The following TULP3 variants were observed in gnomAD, a reference collection of about 807,000 sequenced individuals.
The protein encoded by TULP3 is tubby-related protein 3.
TULP3 carries 38 observed loss-of-function variants against 50.7 expected under a neutral mutation model. The observed-to-expected ratio is 0.75, with a 90% CI of 0.58 to 0.98. The LOEUF (loss-of-function observed/expected upper bound fraction) is 0.98. Among genes scored for constraint, TULP3 ranks in the 50% least tolerant of loss-of-function variants. TULP3 has a pLI of 0.00. For missense variants in TULP3, 550 were observed against 568.0 expected (o/e 0.97, Z 0.32); for synonymous variants, 183 against 196.6 (o/e 0.93, Z 0.58).
intron 8 of TULP3, among the ~76,000 whole-genome samples, chr12:2,936,321 G>C (rs1476958622): frequency 1.3e-5 from 2 of 152,120 alleles, no homozygotes; most frequent in Non-Finnish European, 2.9e-5. Flanking sequence ...TTAATACCTA[G>C]TGCAGGCCTT....
intron 2 of TULP3, among the ~76,000 whole-genome samples, chr12:2,918,381 G>A (rs2098189875): frequency 6.6e-6 from 1 of 151,976 alleles, no homozygotes; most frequent in Admixed American, 6.6e-5. Flanking sequence ...CAAACTGCTG[G>A]GATTACAGGC....
At chr12:2,934,890 A>T (rs968253346) in intron 8 of TULP3, among the ~76,000 whole-genome samples, 6 of 151,570 alleles carry the variant, frequency 4.0e-5, no homozygotes, top group Admixed American at 6.6e-5. Flanking sequence ...TATCTAGTTC[A>T]TTCTCTTTTT....
chr12:2,927,366 A>ATTTTGTTTTTTTTTTTT (rs2098195293), intron 4 of TULP3, among the ~76,000 whole-genome samples: 1 of 105,194 alleles, frequency 9.5e-6, no homozygotes, highest in African/African-American at 3.9e-5. Context: ...GTTGAGACTG[A>ATTTTGTTTTTTTTTTTT]TTTTTTTTTT....
intron 1 of TULP3, among the ~76,000 whole-genome samples, chr12:2,907,475 C>CAAAAA (rs60356460): frequency 4.2e-5 from 4 of 95,826 alleles, no homozygotes; most frequent in African/African-American, 9.0e-5. Flanking sequence ...ACTCCGTCTC[C>CAAAAA]AAAAAAAAAA....
intron 1 of TULP3, 24 bp from the exon 2 acceptor site, chr12:2,909,505 C>G (rs2098184224): frequency 5.3e-6 from 8 of 1,513,358 alleles, no homozygotes; most frequent in Non-Finnish European, 6.2e-6. Context: ...TATATACTTG[C>G]TTTATTTTTT....
chr12:2,936,478 T>TGGTG (rs1424876095), intron 8 of TULP3, among the ~76,000 whole-genome samples: 3 of 151,720 alleles, frequency 2.0e-5, no homozygotes, highest in Non-Finnish European at 4.4e-5. Flanking sequence ...AGGCCGGGCG[T>TGGTG]GGTGGCTCAC....
chr12:2,937,804 A>G (rs1398686352), intron 9 of TULP3, 75 bp downstream of exon 9: 1 of 1,227,038 alleles, frequency 8.1e-7, no homozygotes, highest in Non-Finnish European at 1.1e-6. Flanking sequence ...TAATACAAAA[A>G]AAAAAAAAAA....
intron 1 of TULP3, among the ~76,000 whole-genome samples, chr12:2,904,783 C>CT (rs1372875003): frequency 6.6e-6 from 1 of 151,812 alleles, no homozygotes; most frequent in Admixed American, 6.6e-5. Context: ...TATTCAATAA[C>CT]TAAGTTAAAA....
chr12:2,924,808 T>G (rs1565505003), intron 4 of TULP3, among the ~76,000 whole-genome samples: 1 of 151,708 alleles, frequency 6.6e-6, no homozygotes, highest in Non-Finnish European at 1.5e-5. Context: ...GAGCCAAGAT[T>G]GTGCTGCTGC....
At position 2,931,133 on chromosome 12, in the gene TULP3, C is replaced by T. The variant is rs1565507406; in HGVS notation, c.589C>T (p.Pro197Ser). The change falls in exon 6 of 11, where the codon CCT becomes TCT. Residue 197 changes from proline (P) to serine (S), a missense_variant. Physicochemically the swap from Pro to Ser is moderately conservative, Grantham distance 74. Coordinates refer to ENST00000448120, the MANE Select transcript of TULP3 (RefSeq NM_003324.5). ...GGAGGACTTTGTGTATAGTCCTGCC[C>T]CTCAAGGTGTCACAGTAAGATGTCG... ...DLEDFVYSPA[P>S]QGVTVRCRII... 1.2e-6 allele frequency: 2 copies of T among 1,614,104 alleles called. No homozygotes were observed. The highest frequency in any genetic ancestry group is 2.2e-5 in the East Asian group (1 of 44,874).
chr12:2,906,710 G>GT (rs748591940), intron 1 of TULP3, among the ~76,000 whole-genome samples: 21 of 150,684 alleles, frequency 1.4e-4, no homozygotes, highest in African/African-American at 4.9e-4. Context: ...GAGGTCAGGA[G>GT]TTTGAGACCA....
chr12:2,919,203 C>A (rs2098190387), intron 2 of TULP3, among the ~76,000 whole-genome samples: 1 of 152,156 alleles, frequency 6.6e-6, no homozygotes, highest in South Asian at 2.1e-4. Flanking sequence ...CTAGAAGAAT[C>A]TCAGTGGCCA....
chr12:2,899,414 C>A (rs1019684199), intron 1 of TULP3, among the ~76,000 whole-genome samples: 2 of 151,400 alleles, frequency 1.3e-5, no homozygotes, highest in African/African-American at 4.9e-5. Context: ...TGACGGCAGG[C>A]CAGATTTGGC....
Position 2,941,047 on chromosome 12 carries a change from AC to A in TULP3, c.*1604del, listed in dbSNP as rs2153950840. The A allele has an allele frequency of 3.7e-6, 1 of 272,398 alleles. No homozygotes were observed. Among genetic ancestry groups the A allele is most frequent in the Admixed American group, 5.1e-5 (1 of 19,636 alleles). 16.9% of individuals were successfully genotyped at this position (272,398 alleles called of 1,614,324 possible). On this transcript the variant is annotated 3_prime_UTR_variant, in exon 11 of 11. Coordinates refer to ENST00000448120, the MANE Select transcript of TULP3 (RefSeq NM_003324.5). ...TTAAAGAGATATATAAACTAATTTCACATAATTTGTGTGTGCAGGTGATTGG... is the reference window on the plus strand; with the variant it reads ...TTAAAGAGATATATAAACTAATTTCAATAATTTGTGTGTGCAGGTGATTGG...
chr12:2,901,485 G>A (rs1302033395), intron 1 of TULP3, among the ~76,000 whole-genome samples: 2 of 151,746 alleles, frequency 1.3e-5, no homozygotes, highest in Non-Finnish European at 2.9e-5. Flanking sequence ...GGGTTCAAGC[G>A]ATTCTCCTGC....
chr12:2,913,044 T>C (rs911099408), intron 2 of TULP3, among the ~76,000 whole-genome samples: 6 of 151,640 alleles, frequency 4.0e-5, no homozygotes, highest in Non-Finnish European at 8.8e-5. Context: ...CGATCTCGGC[T>C]CACTGCAACC....
intron 2 of TULP3, among the ~76,000 whole-genome samples, chr12:2,913,704 G>A (rs1037936373): frequency 2.0e-4 from 30 of 151,896 alleles, no homozygotes; most frequent in South Asian, 2.1e-4. Context: ...TCCGCCTCCC[G>A]GGTTCAAGCA....
intron 1 of TULP3, among the ~76,000 whole-genome samples, chr12:2,907,572 C>T (rs992969177): frequency 4.7e-5 from 7 of 150,382 alleles, no homozygotes; most frequent in African/African-American, 7.4e-5. Context: ...GGCTTGAACC[C>T]GGGAGGCGGA....
intron 4 of TULP3, among the ~76,000 whole-genome samples, chr12:2,929,611 T>C (rs2098196710): frequency 6.6e-6 from 1 of 152,078 alleles, no homozygotes; most frequent in Non-Finnish European, 1.5e-5. Flanking sequence ...TTTTGTTTTT[T>C]TGAGACAGAG....
Sources: gnomAD v4.1 joint callset for allele counts (sites outside exome capture counted in the v4.1 genomes callset) on GRCh38, gnomAD v4.1.1 for gene constraint, MANE v1.5 for transcripts, NCBI Gene and HGNC (gene_info 2026-07-23, HGNC 2026-07-21) for gene names.